Variants in POLA1 observed in about 807,000 individuals in gnomAD.
POLA1 encodes the protein DNA polymerase alpha 1, catalytic subunit, also known as DNA polymerase alpha catalytic subunit.
POLA1 carries 15 observed loss-of-function variants against 124.0 expected under a neutral mutation model. That is an observed-to-expected ratio of 0.12 (90% CI 0.08 to 0.19). POLA1 has a LOEUF of 0.19. POLA1 is among the 10% of genes least tolerant of loss of function. The pLI is 1.00. For missense variants in POLA1, 886 were observed against 1,103.4 expected, an observed-to-expected ratio of 0.80 and a Z score of 2.79; for synonymous variants, 408 against 389.4, an observed-to-expected ratio of 1.05 and a Z score of -0.56.
rs780398042 is a variant in POLA1, at chrX:24,843,495, C to A, written c.3916-51C>A. The A allele has an allele frequency of 4.0e-6, 4 of 997,517 alleles. No individual in the cohort carries two copies. The East Asian group carries it at 1.0e-4, about 25-fold the overall frequency. 82.2% of individuals were successfully genotyped at this position (997,517 alleles called of 1,213,427 possible). A position where few individuals can be genotyped will look rare whatever the true frequency, so the allele number is the denominator to read the frequency against. On this transcript the variant is annotated intron_variant, in intron 33 of 36. Coordinates refer to ENST00000379068, the MANE Select transcript of POLA1 (RefSeq NM_001330360.2). Reference sequence around the variant, plus strand: ...CATGTAAGTTTTTAAGCACAAAAACCCTTTTATAGCCTCACAGTAATTTTT... The same window carrying A: ...CATGTAAGTTTTTAAGCACAAAAACACTTTTATAGCCTCACAGTAATTTTT...
At chrX:24,780,561 T>C (rs1267710135) in intron 26 of POLA1, among the ~76,000 whole-genome samples, 1 of 112,086 alleles carries the variant, frequency 8.9e-6, no homozygotes, top group Non-Finnish European at 1.9e-5. Flanking sequence ...GATCATGAGA[T>C]TTTTTTTGTT....
Position 24,726,922 on chromosome X carries a change from T to A in POLA1, c.1393-11T>A. The A allele has an allele frequency of 8.7e-7, 1 of 1,155,958 alleles. No homozygotes were observed. The highest frequency in any genetic ancestry group is 1.2e-6 in the Non-Finnish European group (1 of 866,004). On this transcript the variant is annotated splice_polypyrimidine_tract_variant and intron_variant, in intron 13 of 36. Transcript: ENST00000379068. ...TAAACAAAAAGATTCTTTTTTTTTTTCCTTTTTCAGGCTGAAATGCCACAG... is the reference window on the plus strand; with the variant it reads ...TAAACAAAAAGATTCTTTTTTTTTTACCTTTTTCAGGCTGAAATGCCACAG...
chrX:24,763,055 A>G (rs1432563813), intron 26 of POLA1, among the ~76,000 whole-genome samples: 1 of 111,338 alleles, frequency 9.0e-6, no homozygotes, highest in African/African-American at 3.3e-5. Flanking sequence ...AATAGGTTTT[A>G]TATGTTGGGG....
chrX:24,826,630 C>T (rs1277025919), intron 32 of POLA1, 29 bp downstream of exon 32: 4 of 1,037,441 alleles, frequency 3.9e-6, no homozygotes, highest in Non-Finnish European at 1.3e-6. Context: ...CATAGAACCT[C>T]ACATGGTAAC....
intron 36 of POLA1, among the ~76,000 whole-genome samples, chrX:24,931,778 C>G (rs1254981729): frequency 8.9e-6 from 1 of 112,442 alleles, no homozygotes; most frequent in Non-Finnish European, 1.9e-5. Flanking sequence ...TCCCCAAGGA[C>G]CTTTCCTAAA....
chrX:24,806,576 C>T (rs771702582), intron 26 of POLA1, among the ~76,000 whole-genome samples: 2 of 111,380 alleles, frequency 1.8e-5, no homozygotes, highest in African/African-American at 3.3e-5. Flanking sequence ...GACCTTGAAC[C>T]TGAGATGGAA....
chrX:24,952,405 C>T (rs184388187), intron 36 of POLA1, among the ~76,000 whole-genome samples: 21 of 112,106 alleles, frequency 1.9e-4, no homozygotes, highest in African/African-American at 6.5e-4. Context: ...ATGATGCAAT[C>T]AGTACTTACC....
intron 25 of POLA1, 54 bp downstream of exon 25, chrX:24,748,514 G>T: frequency 1.0e-6 from 1 of 973,773 alleles, no homozygotes; most frequent in Non-Finnish European, 1.4e-6. Context: ...TTTACAGTTT[G>T]ATTATTTATG....
intron 36 of POLA1, among the ~76,000 whole-genome samples, chrX:24,959,517 G>A (rs373722060): frequency 9.2e-6 from 1 of 109,228 alleles, no homozygotes; most frequent in African/African-American, 3.3e-5. Context: ...TACATCCTGC[G>A]GCTCTCTCCT....
In POLA1 at chrX:24,889,367, A is replaced by G. The variant is rs561617552; in HGVS notation, c.4164+1245A>G. ...TAGTGAGAAGTTTGCAGGTTCTTTG[A>G]GCAAAGAGGGTTTTGTGATCAAGTA... On this transcript the variant is annotated intron_variant, in intron 35 of 36. Coordinates refer to ENST00000379068, the MANE Select transcript of POLA1 (RefSeq NM_001330360.2). Among the ~76,000 whole-genome samples the G allele has an allele frequency of 1.2e-4, 14 of 112,157 alleles. No homozygotes were observed. The South Asian group carries it at 5.2e-3, about 42-fold the overall frequency.
At chrX:24,712,826 C>T (rs977931623) in intron 4 of POLA1, among the ~76,000 whole-genome samples, 7 of 112,068 alleles carry the variant, frequency 6.2e-5, no homozygotes, top group African/African-American at 1.6e-4. Flanking sequence ...TAATAAAGTC[C>T]ATCTTTTCCT....
intron 36 of POLA1, among the ~76,000 whole-genome samples, chrX:24,992,036 A>G (rs1312463906): frequency 9.0e-6 from 1 of 111,606 alleles, no homozygotes; most frequent in Non-Finnish European, 1.9e-5. Flanking sequence ...ATGTTTATGT[A>G]CTTGCCATTT....
chrX:24,764,280 T>C (rs1253753250), intron 26 of POLA1, among the ~76,000 whole-genome samples: 4 of 112,290 alleles, frequency 3.6e-5, no homozygotes, highest in Non-Finnish European at 1.9e-5. Flanking sequence ...TTACCTCCAA[T>C]TACATTTTTC....
intron 26 of POLA1, among the ~76,000 whole-genome samples, chrX:24,792,741 G>A (rs751428427): frequency 2.7e-5 from 3 of 111,847 alleles, no homozygotes; most frequent in Admixed American, 9.5e-5. Context: ...CGTAAGACAC[G>A]GTCCTGGTCC....
intron 32 of POLA1, among the ~76,000 whole-genome samples, chrX:24,840,490 G>A (rs1249968473): frequency 8.9e-6 from 1 of 112,005 alleles, no homozygotes; most frequent in Non-Finnish European, 1.9e-5. Flanking sequence ...ACTGTGAAGA[G>A]TCAGCCTCCA....
At chrX:24,965,081 G>A (rs1254200927) in intron 36 of POLA1, among the ~76,000 whole-genome samples, 1 of 111,806 alleles carries the variant, frequency 8.9e-6, no homozygotes. Flanking sequence ...GGGAAGGAAG[G>A]GCTCGATACC....
At chrX:24,986,623 T>TA (rs1273218453) in intron 36 of POLA1, among the ~76,000 whole-genome samples, 1 of 109,249 alleles carries the variant, frequency 9.2e-6, no homozygotes, top group Non-Finnish European at 1.9e-5. Context: ...AGTACATACC[T>TA]ATACTTCCAG....
intron 29 of POLA1, 22 bp from the exon 30 acceptor site, chrX:24,814,953 TTTTG>T: frequency 4.5e-6 from 5 of 1,120,163 alleles, no homozygotes; most frequent in Non-Finnish European, 5.9e-6. Flanking sequence ...GCTGTCTTTG[TTTTG>T]TTTTTTTTTT....
intron 34 of POLA1, among the ~76,000 whole-genome samples, chrX:24,881,126 G>A (rs1289217885): frequency 9.0e-6 from 1 of 111,585 alleles, no homozygotes; most frequent in Non-Finnish European, 1.9e-5. Flanking sequence ...AAAAAAATAC[G>A]AAAATTTCAC....
Sources: gnomAD v4.1 joint callset for allele counts (sites outside exome capture counted in the v4.1 genomes callset) on GRCh38, gnomAD v4.1.1 for gene constraint, MANE v1.5 for transcripts, NCBI Gene and HGNC (gene_info 2026-07-23, HGNC 2026-07-21) for gene names.